NEDD1: variants seen among roughly 807,000 people sequenced by gnomAD.
NEDD1 encodes NEDD1 gamma-tubulin ring complex targeting factor.
In NEDD1, 33 loss-of-function variants were observed where a neutral mutation model predicts 74.0. That is an observed-to-expected ratio of 0.45 (90% confidence interval 0.34 to 0.60). The LOEUF (loss-of-function observed/expected upper bound fraction) is 0.60. Among genes scored for constraint, NEDD1 ranks in the 20% least tolerant of loss-of-function variants. The pLI is 0.01. For missense variants in NEDD1, 746 were observed against 776.5 expected (o/e 0.96, Z 0.47); for synonymous variants, 250 against 264.4 (o/e 0.95, Z 0.53).
At chr12:96,948,574 C>T (rs1191519248) in intron 14 of NEDD1, among the ~76,000 whole-genome samples, 3 of 152,002 alleles carry the variant, frequency 2.0e-5, no homozygotes, top group African/African-American at 7.2e-5. Context: ...GGTTTGTTTT[C>T]GTTATTAGAG....
intron 5 of NEDD1, among the ~76,000 whole-genome samples, chr12:96,919,072 G>A (rs1053007087): frequency 2.0e-5 from 3 of 152,156 alleles, no homozygotes; most frequent in African/African-American, 7.2e-5. Flanking sequence ...ATTGAGATAT[G>A]GCATCTTCCT....
chr12:96,910,847 G>T (rs1482035240), intron 3 of NEDD1, among the ~76,000 whole-genome samples: 3 of 152,108 alleles, frequency 2.0e-5, no homozygotes, highest in Non-Finnish European at 4.4e-5. Flanking sequence ...AACAAATTAA[G>T]ATTTAACATT....
intron 6 of NEDD1, among the ~76,000 whole-genome samples, chr12:96,929,066 ATTC>A (rs1876052464): frequency 6.6e-6 from 1 of 151,562 alleles, no homozygotes; most frequent in African/African-American, 2.4e-5. Flanking sequence ...AATTTTTAGT[ATTC>A]TTTTTCTCTC....
chr12:96,952,461 T>C lies in NEDD1; in HGVS notation c.*408T>C, dbSNP rs1878796339. The stretch of plus-strand genomic sequence containing the variant: ...GAGATTTAAAGAGTTTGATATGCCT[T>C]CTATTTTTATGGAGAAAGTAATTTT... On this transcript the variant is annotated 3_prime_UTR_variant, in exon 16 of 16. Transcript: ENST00000266742. The C allele has an allele frequency of 6.5e-6, 1 of 152,888 alleles. No individual in the cohort carries two copies. Among genetic ancestry groups the C allele is most frequent in the Admixed American group, 6.6e-5 (1 of 15,234 alleles). The allele number at this position is 152,888 out of a possible 1,614,324, so 9.5% of individuals were successfully genotyped here.
rs986147403 is a variant in NEDD1, at chr12:96,934,846, T to TCACTCTTA, written c.490-126_490-119dup. 4.6e-6 allele frequency: 3 copies of TCACTCTTA among 655,628 alleles called. No individual in the cohort carries two copies. The African/African-American group carries it at 5.5e-5, about 12-fold the overall frequency. 40.6% of individuals were successfully genotyped at this position (655,628 alleles called of 1,614,324 possible). On this transcript the variant is annotated intron_variant, in intron 6 of 15. Coordinates refer to ENST00000266742, the MANE Select transcript of NEDD1 (RefSeq NM_152905.4). ...AGCCACCACGTCTGGCTGAAACCTG[T>TCACTCTTA]CACTCTTACACATCAGAGAAATCCT...
rs140058219 is a variant in NEDD1 at position 96,936,290 on chromosome 12, G to A, written c.720-321G>A. ...TGAGGCCAGAGCCCCTGTTTGTGGC[G>A]TAATAGACAGTTCTGCTACATTCAC... is the stretch of plus-strand genomic sequence containing the variant. On this transcript the variant is annotated intron_variant, in intron 7 of 15. Coordinates refer to ENST00000266742, the MANE Select transcript of NEDD1 (RefSeq NM_152905.4). Among the ~76,000 whole-genome samples, 85 of 152,254 alleles carry A rather than the reference G, an allele frequency of 5.6e-4. No individual in the cohort carries two copies. In the East Asian group the frequency reaches 0.014, roughly 25 times the overall value.
intron 3 of NEDD1, among the ~76,000 whole-genome samples, chr12:96,911,194 A>G (rs1439412028): frequency 6.6e-6 from 1 of 152,204 alleles, no homozygotes; most frequent in African/African-American, 2.4e-5. Flanking sequence ...TTAGATTTTC[A>G]TTATGTTTAG....
At chr12:96,931,632 A>G (rs1344388236) in intron 6 of NEDD1, among the ~76,000 whole-genome samples, 7 of 152,230 alleles carry the variant, frequency 4.6e-5, no homozygotes, top group Non-Finnish European at 1.0e-4. Context: ...GAGTACTTGC[A>G]AATCAGAAGT....
At chr12:96,942,266 G>C (rs1016915392) in intron 10 of NEDD1, among the ~76,000 whole-genome samples, 2 of 152,058 alleles carry the variant, frequency 1.3e-5, no homozygotes, top group Non-Finnish European at 2.9e-5. Context: ...CTATTAAGTG[G>C]TATAGGCAGA....
intron 4 of NEDD1, among the ~76,000 whole-genome samples, chr12:96,916,525 G>A (rs369613626): frequency 1.1e-4 from 15 of 139,048 alleles, no homozygotes; most frequent in Non-Finnish European, 6.2e-5. Flanking sequence ...TTGTTCTTGC[G>A]ATAGTTTACT....
chr12:96,918,864 T>C (rs917275206), intron 5 of NEDD1, among the ~76,000 whole-genome samples: 1 of 152,202 alleles, frequency 6.6e-6, no homozygotes, highest in Non-Finnish European at 1.5e-5. Context: ...CTGCTCTTCC[T>C]TTTTTCTTTT....
chr12:96,932,487 T>TATATATATATATATATAA, intron 6 of NEDD1, among the ~76,000 whole-genome samples: 1 of 75,052 alleles, frequency 1.3e-5, no homozygotes, highest in South Asian at 5.1e-4. Context: ...TATATATATA[T>TATATATATATATATATAA]AAAATGCACA....
chr12:96,935,187 A>G lies in NEDD1; in HGVS notation c.701A>G (p.Tyr234Cys), dbSNP rs373391483. 2.5e-6 allele frequency: 4 copies of G among 1,582,412 alleles called. No homozygotes were observed. The highest frequency in any genetic ancestry group is 2.7e-5 in the African/African-American group (2 of 74,346). ...GGCTTGGATAAAAGAATCATCCTCT[A>G]TGACACTTCAAGTAAGAAGTAAGTG... ...TIGLDKRIIL[Y>C]DTSSKKLVKT... Residue 234 changes from tyrosine to cysteine, a missense_variant, in exon 7 of 16, where the codon TAT (tyrosine) becomes TGT (cysteine). Physicochemically the swap from Tyr to Cys is radical, Grantham distance 194. Around this residue, in one of 3 missense-constraint regions of NEDD1, gnomAD observed 706 missense variants for 706.7 expected, o/e 1.00. Coordinates refer to ENST00000266742, the MANE Select transcript of NEDD1 (RefSeq NM_152905.4).
chr12:96,912,660 T>TTA, intron 3 of NEDD1, 63 bp from the exon 4 acceptor site: 1 of 790,816 alleles, frequency 1.3e-6, no homozygotes, highest in South Asian at 1.5e-5. Flanking sequence ...ATCGCAATTC[T>TTA]TATAATAGTC....
chr12:96,930,491 A>G (rs1183645745), intron 6 of NEDD1, among the ~76,000 whole-genome samples: 1 of 152,148 alleles, frequency 6.6e-6, no homozygotes, highest in Admixed American at 6.5e-5. Context: ...TTGTGACAAC[A>G]TATATGAAAT....
intron 5 of NEDD1, 78 bp from the exon 6 acceptor site, chr12:96,919,907 A>G: frequency 2.4e-6 from 2 of 848,138 alleles, no homozygotes; most frequent in Non-Finnish European, 3.7e-6. Context: ...TACATAATGT[A>G]TGGTATTTAC....
intron 10 of NEDD1, 90 bp from the exon 11 acceptor site, chr12:96,942,487 T>C (rs1877755459): frequency 1.4e-6 from 1 of 717,644 alleles, no homozygotes; most frequent in Non-Finnish European, 2.5e-6. Flanking sequence ...ATTGTTAGTC[T>C]CTGAACTCTT....
intron 4 of NEDD1, 93 bp downstream of exon 4, chr12:96,912,910 G>T: frequency 1.6e-6 from 1 of 625,692 alleles, no homozygotes. Flanking sequence ...AAATATAAAG[G>T]TTTTTAAAAG....
chr12:96,911,298 T>C (rs1873894045), intron 3 of NEDD1, among the ~76,000 whole-genome samples: 1 of 152,192 alleles, frequency 6.6e-6, no homozygotes, highest in Non-Finnish European at 1.5e-5. Flanking sequence ...TTACTAGGAG[T>C]TGGCATTTAC....
Sources: allele counts gnomAD v4.1 joint callset (sites outside exome capture counted in the v4.1 genomes callset), GRCh38; gene constraint gnomAD v4.1.1; regional missense constraint gnomAD v4.1.1; transcripts MANE v1.5; gene names NCBI Gene and HGNC (gene_info 2026-07-23, HGNC 2026-07-21).